C1RL: variants seen among roughly 807,000 people sequenced by gnomAD.
C1RL encodes the protein complement C1r subcomponent like.
C1RL carries 27 observed loss-of-function variants against 27.9 expected under a neutral mutation model. The observed-to-expected ratio is 0.97, with a 90% CI of 0.71 to 1.33. C1RL has a LOEUF of 1.33. Ranked by LOEUF, C1RL falls within the 40% of genes most tolerant of loss-of-function variation. The probability of loss-of-function intolerance (pLI) is 0.00; values close to 1 mark genes in which losing one functional copy is unlikely to be tolerated. For synonymous variants in C1RL, 248 were observed against 252.1 expected (o/e 0.98, Z 0.15); for missense variants, 563 against 623.9 (o/e 0.90, Z 1.04).
At position 7,096,576 on chromosome 12, in the gene C1RL, G is replaced by A; in HGVS notation, c.1279C>T (p.Gln427Ter). ...TCCCCCTGGCAGACACTGTGCCTTT[G>A]CGTCTCATCCCCAACACAGAACATA... ...DNMFCVGDET[Q>*]RHSVCQGDSG... Residue 427 changes from glutamine to a stop codon, truncating the protein, a stop_gained, in exon 6 of 6, where the codon CAA becomes TAA. Coordinates refer to ENST00000266542, the MANE Select transcript of C1RL (RefSeq NM_016546.4). LOFTEE classifies it high-confidence loss of function. 1.2e-6 allele frequency: 2 copies of A among 1,614,140 alleles called. No individual in the cohort carries two copies. The highest frequency in any genetic ancestry group is 1.7e-6 in the Non-Finnish European group (2 of 1,180,028).
Position 7,096,294 on chromosome 12 carries a change from A to AACCCCC in C1RL, c.*96_*97insGGGGGT. On this transcript the variant is annotated 3_prime_UTR_variant, in exon 6 of 6. Coordinates refer to ENST00000266542, the MANE Select transcript of C1RL (RefSeq NM_016546.4). Reference sequence around the variant, plus strand: ...ATTTCCCTGCCTCCCCCAACCCCCCACCCCCAACCCCTACCCCAGTGTTCA... The same window carrying AACCCCC: ...ATTTCCCTGCCTCCCCCAACCCCCCAACCCCCCCCCCAACCCCTACCCCAGTGTTCA... 9.2e-6 allele frequency: 1 copy of AACCCCC among 108,396 alleles called. No homozygotes were observed. 6.7% of individuals were successfully genotyped at this position (108,396 alleles called of 1,614,324 possible). A position where few individuals can be genotyped will look rare whatever the true frequency, so the allele number is the denominator to read the frequency against.
At chr12:7,107,338 T>C (rs1000884969) in intron 2 of C1RL, among the ~76,000 whole-genome samples, 1 of 152,074 alleles carries the variant, frequency 6.6e-6, no homozygotes, top group Non-Finnish European at 1.5e-5. Flanking sequence ...TTGGCTAATT[T>C]TTAAATTTTT....
intron 2 of C1RL, among the ~76,000 whole-genome samples, chr12:7,102,302 T>C (rs758915361): frequency 6.6e-6 from 1 of 152,210 alleles, no homozygotes; most frequent in Non-Finnish European, 1.5e-5. Flanking sequence ...CATACTACAA[T>C]GTTTCTTTAG....
chr12:7,101,571 G>A, intron 3 of C1RL: 1 of 435,768 alleles, frequency 2.3e-6, no homozygotes. Flanking sequence ...CCTCCAGCCA[G>A]TATTTATCTT....
Position 7,101,925 on chromosome 12 carries a change from C to G in C1RL, c.463G>C (p.Gly155Arg). 6.2e-7 allele frequency: 1 copy of G among 1,614,200 alleles called. No homozygotes were observed. Among genetic ancestry groups the G allele is most frequent in the Non-Finnish European group, 8.5e-7 (1 of 1,180,028 alleles). The change falls in exon 3 of 6, where the codon GGC (glycine) becomes CGC (arginine). Residue 155 changes from glycine (G) to arginine (R), a missense_variant. Physicochemically the swap from Gly to Arg is moderately radical, Grantham distance 125 (BLOSUM62 -2). Transcript: ENST00000266542. ...SENKTAHLHK[G>R]FLALYQTVAV... The stretch of plus-strand genomic sequence containing the variant: ...ACGGTTTGGTAGAGGGCCAGGAAGC[C>G]CTTGTGGAGGTGGGCAGTCTTGTTC...
In C1RL at chr12:7,107,327, C is replaced by T. The variant is rs377047154; in HGVS notation, c.300+924G>A. ...GGGACCACAGGTGCGTGCCACCACACTTGGCTAATTTTTAAATTTTTTTGT... is the reference window on the plus strand; with the variant it reads ...GGGACCACAGGTGCGTGCCACCACATTTGGCTAATTTTTAAATTTTTTTGT... On this transcript the variant is annotated intron_variant, in intron 2 of 5. Coordinates refer to ENST00000266542, the MANE Select transcript of C1RL (RefSeq NM_016546.4). Among the ~76,000 whole-genome samples the T allele has an allele frequency of 6.6e-5, 10 of 152,112 alleles. No homozygotes were observed. In the East Asian group the frequency reaches 1.3e-3, roughly 21 times the overall value.
At position 7,094,889 on chromosome 12, in the gene C1RL, T is replaced by C. The variant is rs1255376511; in HGVS notation, c.*1502A>G. ...TCATTGCACCTGCCTTTTGGGAATA[T>C]TTTTAATAATCTTTTGTACTGTATG... On this transcript the variant is annotated 3_prime_UTR_variant, in exon 6 of 6. Transcript: ENST00000266542. 2.0e-6 allele frequency: 2 copies of C among 1,007,204 alleles called. No homozygotes were observed. Among genetic ancestry groups the C allele is most frequent in the Non-Finnish European group, 2.4e-6 (2 of 842,410 alleles). The allele number at this position is 1,007,204 out of a possible 1,614,324, so 62.4% of individuals were successfully genotyped here.
chr12:7,101,166 T>C, intron 3 of C1RL, among the ~76,000 whole-genome samples: 3 of 4,016 alleles, frequency 7.5e-4, no homozygotes, highest in Admixed American at 3.0e-3. Context: ...CCTTCCCTTC[T>C]TACTTTCCCT....
chr12:7,101,982 G>A lies in C1RL; in HGVS notation c.406C>T (p.Arg136Trp), dbSNP rs773696477. Residue 136 changes from arginine to tryptophan, a missense_variant, in exon 3 of 6, where the codon CGG becomes TGG. Physicochemically the swap from Arg to Trp is moderately radical, Grantham distance 101. Transcript: ENST00000266542. The stretch of plus-strand genomic sequence containing the variant: ...GAAGGCTGTGTGCGGAAGGTCAGCC[G>A]CAAACTCCTCCCTGAGGATACAAAC... ...REFVSSGRSL[R>W]LTFRTQPSSE... 19 of 1,614,204 alleles carry A rather than the reference G, an allele frequency of 1.2e-5. No homozygotes were observed. The highest frequency in any genetic ancestry group is 7.7e-5 in the South Asian group (7 of 91,088).
intron 2 of C1RL, 108 bp from the exon 3 acceptor site, chr12:7,102,195 C>T: frequency 8.6e-7 from 1 of 1,166,356 alleles, no homozygotes. Context: ...TCTAGACGGG[C>T]CGTGCCCCTC....
chr12:7,097,489 G>A (rs1401645521), intron 5 of C1RL, among the ~76,000 whole-genome samples: 1 of 152,020 alleles, frequency 6.6e-6, no homozygotes, highest in East Asian at 1.9e-4. Context: ...CATCATGTGG[G>A]CCAGGCTGGT....
chr12:7,109,208 G>A lies in C1RL; in HGVS notation c.-28C>T. On this transcript the variant is annotated 5_prime_UTR_variant, in exon 1 of 6. Coordinates refer to ENST00000266542, the MANE Select transcript of C1RL (RefSeq NM_016546.4). Reference sequence around the variant, plus strand: ...GGAACTGGACATCTGGGACCTGCGAGAGAACTGGCCCAGGATAGGGAACAA... The same window carrying A: ...GGAACTGGACATCTGGGACCTGCGAAAGAACTGGCCCAGGATAGGGAACAA... 6.5e-7 allele frequency: 1 copy of A among 1,534,118 alleles called. No individual in the cohort carries two copies.
chr12:7,096,923 A>T lies in C1RL; in HGVS notation c.932T>A (p.Met311Lys). ...VFLGHTAIDE[M>K]LKLGNHPVHR... ...GACAGGGTGGTTCCCCAGTTTCAGC[A>T]TCTCATCTATGGCTGTGTGGCCCAA... Residue 311 changes from methionine (M) to lysine (K), a missense_variant, in exon 6 of 6, where the codon ATG becomes AAG. Coordinates refer to ENST00000266542, the MANE Select transcript of C1RL (RefSeq NM_016546.4). 6.2e-7 allele frequency: 1 copy of T among 1,605,812 alleles called. No individual in the cohort carries two copies. The highest frequency in any genetic ancestry group is 1.1e-5 in the South Asian group (1 of 90,300).
chr12:7,100,532 G>T (rs1050566261), intron 3 of C1RL, among the ~76,000 whole-genome samples: 2 of 152,164 alleles, frequency 1.3e-5, no homozygotes, highest in African/African-American at 4.8e-5. Context: ...GGTGGCTCAC[G>T]GCTGTAATCC....
In C1RL at chr12:7,097,364, C is replaced by A. The variant is rs148688286; in HGVS notation, c.692-201G>T. 651 of 527,912 alleles carry A rather than the reference C, an allele frequency of 1.2e-3. 4 individuals are homozygous for A. The highest frequency in any genetic ancestry group is 9.9e-3 in the African/African-American group (502 of 50,620). The allele number at this position is 527,912 out of a possible 1,614,324, so 32.7% of individuals were successfully genotyped here. On this transcript the variant is annotated intron_variant, in intron 5 of 5. Coordinates refer to ENST00000266542, the MANE Select transcript of C1RL (RefSeq NM_016546.4). ...CTTGCGCGATCTCGGCTCACTGCAACCTCCGCCTCCTGCGCTCAAGCAATT... is the reference window on the plus strand; with the variant it reads ...CTTGCGCGATCTCGGCTCACTGCAAACTCCGCCTCCTGCGCTCAAGCAATT...
intron 2 of C1RL, among the ~76,000 whole-genome samples, chr12:7,105,329 G>A (rs1403335976): frequency 6.6e-6 from 1 of 152,010 alleles, no homozygotes; most frequent in East Asian, 1.9e-4. Context: ...TAGTGCAGTG[G>A]CCTGATCTCG....
At position 7,094,873 on chromosome 12, in the gene C1RL, C is replaced by T. The variant is rs947849486; in HGVS notation, c.*1518G>A. The T allele has an allele frequency of 2.5e-5, 25 of 1,007,138 alleles. No homozygotes were observed. In the African/African-American group the frequency reaches 4.2e-4, roughly 17 times the overall value. 62.4% of individuals were successfully genotyped at this position (1,007,138 alleles called of 1,614,324 possible). On this transcript the variant is annotated 3_prime_UTR_variant, in exon 6 of 6. Coordinates refer to ENST00000266542, the MANE Select transcript of C1RL (RefSeq NM_016546.4). ...GGGGTATAAGTGTGCATCATTGCAC[C>T]TGCCTTTTGGGAATATTTTTAATAA...
intron 1 of C1RL, chr12:7,108,810 C>A: frequency 1.8e-6 from 1 of 547,654 alleles, no homozygotes; most frequent in Non-Finnish European, 3.2e-6. Flanking sequence ...ACCCTGGGAT[C>A]CGAGGGAGCA....
Position 7,095,795 on chromosome 12 carries a change from G to T in C1RL, c.*596C>A. 1.3e-6 allele frequency: 1 copy of T among 750,188 alleles called. No homozygotes were observed. Among genetic ancestry groups the T allele is most frequent in the Non-Finnish European group, 1.6e-6 (1 of 615,492 alleles). The allele number at this position is 750,188 out of a possible 1,614,324, so 46.5% of individuals were successfully genotyped here. A position where few individuals can be genotyped will look rare whatever the true frequency, so the allele number is the denominator to read the frequency against. ...TCAGTTTCCTCATTTGTCACACATA[G>T]ATAATAACACATCCTTTGCAAATAT... On this transcript the variant is annotated 3_prime_UTR_variant, in exon 6 of 6. Coordinates refer to ENST00000266542, the MANE Select transcript of C1RL (RefSeq NM_016546.4).
Sources: allele counts gnomAD v4.1 joint callset (sites outside exome capture counted in the v4.1 genomes callset), GRCh38; gene constraint gnomAD v4.1.1; transcripts MANE v1.5; gene names NCBI Gene and HGNC (gene_info 2026-07-23, HGNC 2026-07-21).